The following MYO1D variants were observed in gnomAD, a reference collection of about 807,000 sequenced individuals.
MYO1D encodes myosin ID, also known as unconventional myosin-Id.
In MYO1D, 83 loss-of-function variants were observed where a neutral mutation model predicts 122.0. The ratio of observed to expected loss-of-function variants is 0.68; its 90% confidence interval spans 0.57 to 0.82. The LOEUF (loss-of-function observed/expected upper bound fraction) is 0.82, where lower values mean the gene tolerates loss of function less well. Among genes scored for constraint, MYO1D ranks in the 40% least tolerant of loss-of-function variants. The pLI is 0.00. For missense variants in MYO1D, 1,157 were observed against 1,269.5 expected (o/e 0.91, Z 1.35); for synonymous variants, 464 against 446.9 (o/e 1.04, Z -0.48).
rs2151006877 is a variant in MYO1D, at chr17:32,745,339, T to C, written c.1539-54A>G. The C allele has an allele frequency of 3.0e-5, 36 of 1,205,054 alleles. No individual in the cohort carries two copies. The South Asian group carries it at 4.6e-4, about 15-fold the overall frequency. The allele number at this position is 1,205,054 out of a possible 1,614,324, so 74.6% of individuals were successfully genotyped here. A position where few individuals can be genotyped will look rare whatever the true frequency, so the allele number is the denominator to read the frequency against. The stretch of plus-strand genomic sequence containing the variant: ...TATCATTTACCAAGCAAGAGCCACA[T>C]TTAAGTTTTTCCAGGAGGCAACAAG... On this transcript the variant is annotated intron_variant, in intron 12 of 21. Transcript: ENST00000318217.
rs143726365 is a variant in MYO1D, at chr17:32,712,460, C to T, written c.1914-265G>A. Among the ~76,000 whole-genome samples the T allele has an allele frequency of 2.8e-3, 425 of 152,222 alleles. 2 individuals are homozygous for T. The highest frequency in any genetic ancestry group is 1.0e-2 in the African/African-American group (414 of 41,522). ...CCAAAATCCTACGGCAAATATTGTTCATAAAGGGGTAACCTTAGAAACATT... is the reference window on the plus strand; with the variant it reads ...CCAAAATCCTACGGCAAATATTGTTTATAAAGGGGTAACCTTAGAAACATT... On this transcript the variant is annotated intron_variant, in intron 15 of 21. Transcript: ENST00000318217.
chr17:32,601,391 A>T (rs566188773), intron 21 of MYO1D, among the ~76,000 whole-genome samples: 1 of 152,288 alleles, frequency 6.6e-6, no homozygotes, highest in East Asian at 1.9e-4. Context: ...ATGAGGGAAT[A>T]GATGGTCAGT....
At chr17:32,621,749 A>C (rs2087857476) in intron 20 of MYO1D, among the ~76,000 whole-genome samples, 1 of 152,018 alleles carries the variant, frequency 6.6e-6, no homozygotes, top group Non-Finnish European at 1.5e-5. Flanking sequence ...CCTAATCCCC[A>C]GTGTGATGGT....
chr17:32,756,419 T>C (rs2089947800), intron 10 of MYO1D, among the ~76,000 whole-genome samples: 2 of 152,280 alleles, frequency 1.3e-5, no homozygotes, highest in South Asian at 4.1e-4. Context: ...TGCTGTGCAG[T>C]AGTGGCTCTA....
At chr17:32,831,274 C>T (rs572216024) in intron 1 of MYO1D, among the ~76,000 whole-genome samples, 5 of 152,110 alleles carry the variant, frequency 3.3e-5, no homozygotes, top group Admixed American at 2.0e-4. Context: ...ACATGATATT[C>T]GCTTGGAGGA....
At chr17:32,629,772 C>T (rs945605577) in intron 20 of MYO1D, among the ~76,000 whole-genome samples, 1 of 149,886 alleles carries the variant, frequency 6.7e-6, no homozygotes, top group Non-Finnish European at 1.5e-5. Context: ...CTGAAGAGGG[C>T]GGAAAGAAAA....
chr17:32,789,285 C>G (rs2090327651), intron 1 of MYO1D, among the ~76,000 whole-genome samples: 1 of 152,036 alleles, frequency 6.6e-6, no homozygotes, highest in Admixed American at 6.6e-5. Context: ...TTGCTCTGGC[C>G]AGGACTTCTA....
chr17:32,711,934 T>G lies in MYO1D; in HGVS notation c.2121+54A>C. ...TGAATTAAAGAAAATATGCAACAAA[T>G]TTTTAAGAACTTAAAAGCAAAATCT... is the stretch of plus-strand genomic sequence containing the variant. On this transcript the variant is annotated intron_variant, in intron 16 of 21. Coordinates refer to ENST00000318217, the MANE Select transcript of MYO1D (RefSeq NM_015194.3). 2.1e-6 allele frequency: 3 copies of G among 1,402,236 alleles called. No individual in the cohort carries two copies. In the East Asian group the frequency reaches 7.6e-5, roughly 35 times the overall value. The allele number at this position is 1,402,236 out of a possible 1,614,324, so 86.9% of individuals were successfully genotyped here.
chr17:32,635,929 T>C (rs1227045500), intron 20 of MYO1D, among the ~76,000 whole-genome samples: 1 of 152,208 alleles, frequency 6.6e-6, no homozygotes, highest in Non-Finnish European at 1.5e-5. Context: ...CCATAGTTTT[T>C]TTCTTTCGTA....
chr17:32,865,783 A>G (rs1013490907), intron 1 of MYO1D, among the ~76,000 whole-genome samples: 1 of 152,218 alleles, frequency 6.6e-6, no homozygotes, highest in African/African-American at 2.4e-5. Flanking sequence ...CCTGGAATAC[A>G]AACTGGGATA....
intron 12 of MYO1D, 131 bp from the exon 13 acceptor site, chr17:32,745,416 T>A: frequency 3.2e-6 from 2 of 620,424 alleles, no homozygotes; most frequent in Non-Finnish European, 5.8e-6. Flanking sequence ...ATATTGTTCA[T>A]CTTGTTCTGT....
At chr17:32,595,904 G>T (rs1215581811) in intron 21 of MYO1D, among the ~76,000 whole-genome samples, 2 of 152,192 alleles carry the variant, frequency 1.3e-5, no homozygotes, top group Non-Finnish European at 2.9e-5. Flanking sequence ...TTCTCCAGAG[G>T]ACAGTCAGGG....
chr17:32,849,813 T>TA (rs11376691), intron 1 of MYO1D, among the ~76,000 whole-genome samples: 141,545 of 151,564 alleles, frequency 0.93, 66,343 homozygotes, highest in East Asian at 1. Context: ...TAAAGTATAA[T>TA]AAAAAAAAAT....
intron 20 of MYO1D, among the ~76,000 whole-genome samples, chr17:32,611,441 G>A (rs1267760397): frequency 6.7e-6 from 1 of 150,126 alleles, no homozygotes; most frequent in Non-Finnish European, 1.5e-5. Context: ...GCCCAGAGAA[G>A]TTTTAGACCT....
In MYO1D at chr17:32,668,289, G is replaced by C. The variant is rs191425274; in HGVS notation, c.2122-8951C>G. Among the ~76,000 whole-genome samples the C allele has an allele frequency of 2.2e-3, 341 of 152,308 alleles. 1 individual carries two copies. Among genetic ancestry groups the C allele is most frequent in the Non-Finnish European group, 4.0e-3 (275 of 68,022 alleles). On this transcript the variant is annotated intron_variant, in intron 16 of 21. Coordinates refer to ENST00000318217, the MANE Select transcript of MYO1D (RefSeq NM_015194.3). ...TCAGCTTTTTCAGGAGACTCCTACA[G>C]CCTCTACCATCTCCAAGTCTACCTC...
At chr17:32,652,386 C>T (rs1456652817) in intron 19 of MYO1D, among the ~76,000 whole-genome samples, 1 of 152,092 alleles carries the variant, frequency 6.6e-6, no homozygotes, top group African/African-American at 2.4e-5. Context: ...TGAAATGAAG[C>T]ACGTGTAAAA....
At chr17:32,682,762 G>A (rs1300082378) in intron 16 of MYO1D, among the ~76,000 whole-genome samples, 5 of 119,684 alleles carry the variant, frequency 4.2e-5, no homozygotes, top group Admixed American at 8.0e-5. Flanking sequence ...TCTTTGCGGC[G>A]TTCTCTGTAT....
chr17:32,618,516 C>T (rs753557383), intron 20 of MYO1D, among the ~76,000 whole-genome samples: 1 of 152,154 alleles, frequency 6.6e-6, no homozygotes, highest in Non-Finnish European at 1.5e-5. Flanking sequence ...CATTTACAAC[C>T]CACATAATGT....
chr17:32,678,594 T>C (rs983093261), intron 16 of MYO1D, among the ~76,000 whole-genome samples: 5 of 150,834 alleles, frequency 3.3e-5, no homozygotes, highest in Admixed American at 2.6e-4. Context: ...GAACTCATCA[T>C]TTTTTATGGC....
Sources: allele counts gnomAD v4.1 joint callset (sites outside exome capture counted in the v4.1 genomes callset), GRCh38; gene constraint gnomAD v4.1.1; transcripts MANE v1.5; gene names NCBI Gene and HGNC (gene_info 2026-07-23, HGNC 2026-07-21).